Variants in GALNT9 observed in about 807,000 individuals in gnomAD.
The protein encoded by GALNT9 is polypeptide N-acetylgalactosaminyltransferase 9.
In GALNT9, 47 loss-of-function variants were observed where a neutral mutation model predicts 63.1. The ratio of observed to expected loss-of-function variants is 0.75; its 90% CI spans 0.59 to 0.95. The LOEUF is 0.95. GALNT9 is among the 40% of genes least tolerant of loss of function. The pLI is 0.00. For missense variants in GALNT9, 829 were observed against 874.8 expected, an observed-to-expected ratio of 0.95 and a Z score of 0.66; for synonymous variants, 396 against 365.7, an observed-to-expected ratio of 1.08 and a Z score of -0.94.
At chr12:132,244,027 G>C (rs1555237779) in intron 6 of GALNT9, among the ~76,000 whole-genome samples, 3 of 151,522 alleles carry the variant, frequency 2.0e-5, no homozygotes, top group African/African-American at 7.3e-5. Flanking sequence ...GGACAGACGG[G>C]GGCAGTGCAA....
chr12:132,203,451 C>G, intron 7 of GALNT9, 54 bp downstream of exon 7: 2 of 1,578,520 alleles, frequency 1.3e-6, no homozygotes, highest in South Asian at 2.3e-5. Context: ...CCTGCCGTGG[C>G]ATTGACCCCG....
intron 1 of GALNT9, among the ~76,000 whole-genome samples, chr12:132,322,010 C>G (rs1868825973): frequency 6.6e-6 from 1 of 152,094 alleles, no homozygotes; most frequent in Admixed American, 6.5e-5. Flanking sequence ...TCCAAACCCC[C>G]ACTGTCTCTC....
intron 8 of GALNT9, among the ~76,000 whole-genome samples, chr12:132,199,644 C>T (rs564879580): frequency 2.2e-4 from 33 of 152,274 alleles, no homozygotes; most frequent in African/African-American, 7.9e-4. Flanking sequence ...CTAGGCTGGC[C>T]TTGGCTTGGA....
chr12:132,236,705 G>A lies in GALNT9; in HGVS notation c.1077+11205C>T, dbSNP rs183348500. ...AGCCTCGCAAGGTGTAAGGTTTCGG[G>A]GCATCAAGCCTGGCCTCGGCCAGCC... On this transcript the variant is annotated intron_variant, in intron 6 of 10. Coordinates refer to ENST00000328957, the MANE Select transcript of GALNT9 (RefSeq NM_001122636.2). This position sits in a 1 kb window ranked among gnomAD's most constrained non-coding sequence, Gnocchi z 5.6. Among the ~76,000 whole-genome samples the A allele has an allele frequency of 6.6e-6, 1 of 152,174 alleles. No homozygotes were observed. The highest frequency in any genetic ancestry group is 2.4e-5 in the African/African-American group (1 of 41,418).
intron 1 of GALNT9, among the ~76,000 whole-genome samples, chr12:132,320,250 C>T (rs1243779348): frequency 6.6e-6 from 1 of 152,190 alleles, no homozygotes; most frequent in African/African-American, 2.4e-5. Flanking sequence ...CTGAGAGGCA[C>T]AGAACGCCCG....
At chr12:132,208,706 G>A (rs528526981) in intron 6 of GALNT9, among the ~76,000 whole-genome samples, 10 of 152,272 alleles carry the variant, frequency 6.6e-5, no homozygotes, top group South Asian at 2.1e-4. Flanking sequence ...GAGCAGAGCC[G>A]CTCTGCTCCA....
At chr12:132,305,614 C>G (rs34284151) in intron 1 of GALNT9, among the ~76,000 whole-genome samples, 271 of 131,432 alleles carry the variant, frequency 2.1e-3, no homozygotes, top group Middle Eastern at 0.012. Flanking sequence ...CCCGGGCACA[C>G]CCTCACCCGG....
At chr12:132,326,082 G>A (rs1330640458) in intron 1 of GALNT9, among the ~76,000 whole-genome samples, 4 of 152,268 alleles carry the variant, frequency 2.6e-5, no homozygotes, top group African/African-American at 9.6e-5. Context: ...GAAAGTGGGG[G>A]CTCTTTGTCT....
intron 4 of GALNT9, 44 bp downstream of exon 4, chr12:132,260,904 G>T (rs1879351979): frequency 1.4e-6 from 2 of 1,476,590 alleles, no homozygotes. Context: ...GATGGTGGAG[G>T]GGGACCCGCT....
At chr12:132,323,889 G>A (rs1022702203) in intron 1 of GALNT9, among the ~76,000 whole-genome samples, 1 of 152,206 alleles carries the variant, frequency 6.6e-6, no homozygotes, top group Non-Finnish European at 1.5e-5. Flanking sequence ...GAGACCTGCC[G>A]GGGCCGGGAC....
chr12:132,218,620 C>T lies in GALNT9; in HGVS notation c.1078-14930G>A, dbSNP rs534000866. ...ACGCCACCCTCTTGTCACACACATG[C>T]CTCGTTCTGCAGCAGCGATCCATCT... On this transcript the variant is annotated intron_variant, in intron 6 of 10. Coordinates refer to ENST00000328957, the MANE Select transcript of GALNT9 (RefSeq NM_001122636.2). Among the ~76,000 whole-genome samples the T allele has an allele frequency of 9.2e-5, 14 of 152,362 alleles. No individual in the cohort carries two copies. In the East Asian group the frequency reaches 2.7e-3, roughly 29 times the overall value.
chr12:132,304,041 A>G (rs192418812), intron 1 of GALNT9, among the ~76,000 whole-genome samples: 2 of 26,356 alleles, frequency 7.6e-5, no homozygotes. Context: ...CCTCGCCCGG[A>G]CACACCCTCA....
chr12:132,324,682 T>A (rs1419459770), intron 1 of GALNT9, among the ~76,000 whole-genome samples: 1 of 152,136 alleles, frequency 6.6e-6, no homozygotes, highest in Non-Finnish European at 1.5e-5. Flanking sequence ...CGCCGCCCTC[T>A]GCAGCCGGGT....
chr12:132,313,504 ACC>A, intron 1 of GALNT9, among the ~76,000 whole-genome samples: 4 of 117,622 alleles, frequency 3.4e-5, no homozygotes, highest in Non-Finnish European at 3.5e-5. Flanking sequence ...CCATCCATTC[ACC>A]CACCCACCCA....
At position 132,315,866 on chromosome 12, in the gene GALNT9, C is replaced by T. The variant is rs1190021752; in HGVS notation, c.238+13100G>A. Among the ~76,000 whole-genome samples, 16 of 152,298 alleles carry T rather than the reference C, an allele frequency of 1.1e-4. No homozygotes were observed. Among genetic ancestry groups the T allele is most frequent in the Admixed American group, 9.1e-4 (14 of 15,304 alleles). The stretch of plus-strand genomic sequence containing the variant: ...GGAAGACCCCTCTATGCTGGGGCTG[C>T]AATAAACCCCTGTGCTGGGCCCATT... On this transcript the variant is annotated intron_variant, in intron 1 of 10. Coordinates refer to ENST00000328957, the MANE Select transcript of GALNT9 (RefSeq NM_001122636.2). This position sits in a 1 kb window ranked among gnomAD's most constrained non-coding sequence, Gnocchi z 6.1.
At chr12:132,284,871 C>T (rs767065699) in intron 2 of GALNT9, among the ~76,000 whole-genome samples, 1 of 152,226 alleles carries the variant, frequency 6.6e-6, no homozygotes, top group Non-Finnish European at 1.5e-5. Flanking sequence ...CAGCCCGGGG[C>T]GCTCCCTGCA....
At chr12:132,314,870 G>A (rs1285119332) in intron 1 of GALNT9, among the ~76,000 whole-genome samples, 3 of 152,194 alleles carry the variant, frequency 2.0e-5, no homozygotes, top group Non-Finnish European at 4.4e-5. Flanking sequence ...CAGTGGAGTC[G>A]GGCTGGAAGG....
chr12:132,329,032 C>T lies in GALNT9; in HGVS notation c.172G>A (p.Gly58Arg). The T allele has an allele frequency of 6.5e-7, 1 of 1,545,330 alleles. No individual in the cohort carries two copies. ...CGCTGCAGGATGGCCTCACGGTCCC[C>T]CAGCGTGCCCACCTTGGCGTGTCGG... ...RSRHAKVGTL[G>R]DREAILQRLD... Residue 58 changes from glycine to arginine, a missense_variant, in exon 1 of 11, where the codon GGG becomes AGG. By Grantham distance (125) the Gly-to-Arg change is moderately radical. Transcript: ENST00000328957.
chr12:132,287,255 G>C (rs1307529046), intron 1 of GALNT9, among the ~76,000 whole-genome samples: 1 of 152,242 alleles, frequency 6.6e-6, no homozygotes, highest in Admixed American at 6.5e-5. Context: ...CAGGCGCTGT[G>C]CCTGCGGGGC....
Sources: gnomAD v4.1 joint callset for allele counts (sites outside exome capture counted in the v4.1 genomes callset) on GRCh38, gnomAD v4.1.1 for gene constraint, Gnocchi (gnomAD v3.1) non-coding constraint, MANE v1.5 for transcripts, NCBI Gene and HGNC (gene_info 2026-07-23, HGNC 2026-07-21) for gene names.